C14orf39: variants seen among roughly 807,000 people sequenced by gnomAD.
The protein encoded by C14orf39 is protein SIX6OS1.
In C14orf39, 66 loss-of-function variants were observed where a neutral mutation model predicts 85.6. The observed-to-expected ratio is 0.77, with a 90% CI of 0.63 to 0.95. The LOEUF (loss-of-function observed/expected upper bound fraction) is 0.95, where lower values mean the gene tolerates loss of function less well. Ranked by LOEUF, C14orf39 falls within the 40% of genes least tolerant of loss-of-function variation. The pLI is 0.00. For missense variants in C14orf39, 735 were observed against 663.9 expected, an observed-to-expected ratio of 1.11 and a Z score of -1.18; for synonymous variants, 242 against 214.0, an observed-to-expected ratio of 1.13 and a Z score of -1.14.
chr14:60,497,618 G>T (rs1453013868), intron 2 of C14orf39, among the ~76,000 whole-genome samples: 4 of 152,214 alleles, frequency 2.6e-5, no homozygotes, highest in Non-Finnish European at 5.9e-5. Context: ...GCTCACACCT[G>T]TAATCCTAGT....
chr14:60,471,242 C>G (rs767026138), intron 7 of C14orf39, among the ~76,000 whole-genome samples, 175 bp downstream of exon 7: 1 of 151,954 alleles, frequency 6.6e-6, no homozygotes, highest in Non-Finnish European at 1.5e-5. Context: ...TGCTTCTGAT[C>G]ACATGAATAT....
At chr14:60,463,659 C>T (rs943926877) in intron 11 of C14orf39, among the ~76,000 whole-genome samples, 1 of 151,962 alleles carries the variant, frequency 6.6e-6, no homozygotes, top group Admixed American at 6.6e-5. Context: ...CATACAGATC[C>T]CCCTCTTTAT....
chr14:60,456,797 G>T, intron 15 of C14orf39, 120 bp downstream of exon 15: 1 of 803,844 alleles, frequency 1.2e-6, no homozygotes, highest in Non-Finnish European at 1.9e-6. Context: ...TTCTTTGCAT[G>T]TCTGAAATAC....
chr14:60,469,271 C>T (rs1289207645), intron 8 of C14orf39, among the ~76,000 whole-genome samples: 1 of 148,826 alleles, frequency 6.7e-6, no homozygotes, highest in Non-Finnish European at 1.5e-5. Flanking sequence ...CTAAACTATT[C>T]CCCAAAATAT....
intron 6 of C14orf39, 27 bp downstream of exon 6, chr14:60,471,524 TA>T: frequency 6.4e-7 from 1 of 1,571,884 alleles, no homozygotes; most frequent in Non-Finnish European, 8.6e-7. Context: ...ATATCATAAT[TA>T]AAACAATATA....
chr14:60,476,432 G>T (rs1025909358), intron 5 of C14orf39, among the ~76,000 whole-genome samples: 6 of 152,180 alleles, frequency 3.9e-5, no homozygotes, highest in Non-Finnish European at 8.8e-5. Flanking sequence ...GAGATTAGGA[G>T]AAACAAGTAA....
rs76053977 is a variant in C14orf39 at position 60,454,579 on chromosome 14, C to T, written c.1503+422G>A. Among the ~76,000 whole-genome samples the T allele has an allele frequency of 7.3e-3, 1,110 of 152,060 alleles. 7 individuals carry two copies. Among genetic ancestry groups the T allele is most frequent in the Non-Finnish European group, 0.013 (885 of 67,864 alleles). On this transcript the variant is annotated intron_variant, in intron 16 of 17. Transcript: ENST00000321731. ...AAGCACTTTATCATGATTCATATCACTGAACAGTAGAAACCAATATTAGGT... is the reference window on the plus strand; with the variant it reads ...AAGCACTTTATCATGATTCATATCATTGAACAGTAGAAACCAATATTAGGT...
chr14:60,513,488 C>G (rs2140191533), intron 1 of C14orf39, among the ~76,000 whole-genome samples: 1 of 152,314 alleles, frequency 6.6e-6, no homozygotes, highest in Admixed American at 6.5e-5. Context: ...TTTGCCTCAT[C>G]CTAGTCCTTA....
chr14:60,478,941 T>G lies in C14orf39; in HGVS notation c.234-552A>C, dbSNP rs868131646. Reference sequence around the variant, plus strand: ...AATATTCATCTTATACATTTTTTATTATGTAACTTGAAAGAATATTACCAA... The same window carrying G: ...AATATTCATCTTATACATTTTTTATGATGTAACTTGAAAGAATATTACCAA... On this transcript the variant is annotated intron_variant, in intron 4 of 17. Coordinates refer to ENST00000321731, the MANE Select transcript of C14orf39 (RefSeq NM_174978.3). Among the ~76,000 whole-genome samples the G allele has an allele frequency of 2.0e-5, 3 of 151,932 alleles. No individual in the cohort carries two copies. In the South Asian group the frequency reaches 6.2e-4, roughly 31 times the overall value.
chr14:60,457,005 T>C lies in C14orf39; in HGVS notation c.1270A>G (p.Ile424Val), dbSNP rs758248760. The C allele has an allele frequency of 1.9e-6, 3 of 1,611,404 alleles. No homozygotes were observed. In the South Asian group the frequency reaches 3.3e-5, roughly 18 times the overall value. ...RAENFPRTSE[I>V]PIFLGTPKAV... ...TTGGGAGTTCCTAAAAATATAGGAA[T>C]TTCAGACGTTCGTGGAAAATTCTCA... The change falls in exon 15 of 18, where the codon ATT (isoleucine) becomes GTT (valine). Residue 424 changes from isoleucine (I) to valine (V), a missense_variant. Coordinates refer to ENST00000321731, the MANE Select transcript of C14orf39 (RefSeq NM_174978.3).
At chr14:60,492,963 T>C (rs1306728388) in intron 2 of C14orf39, among the ~76,000 whole-genome samples, 1 of 152,132 alleles carries the variant, frequency 6.6e-6, no homozygotes, top group East Asian at 1.9e-4. Context: ...ATAGAAAACA[T>C]GCCTTTCCAT....
At chr14:60,470,827 T>C (rs1450587760) in intron 7 of C14orf39, among the ~76,000 whole-genome samples, 2 of 151,896 alleles carry the variant, frequency 1.3e-5, no homozygotes, top group Non-Finnish European at 2.9e-5. Flanking sequence ...ATATGAAGGA[T>C]TGTGGAGGTT....
intron 16 of C14orf39, among the ~76,000 whole-genome samples, chr14:60,448,193 G>A (rs1045504924): frequency 5.3e-5 from 8 of 152,046 alleles, no homozygotes; most frequent in Non-Finnish European, 8.8e-5. Flanking sequence ...ATAGACAAAT[G>A]GAATCTAATT....
chr14:60,496,158 G>T, intron 2 of C14orf39: 1 of 476,940 alleles, frequency 2.1e-6, no homozygotes, highest in Non-Finnish European at 4.2e-6. Context: ...GTTCTATAGA[G>T]TATCACACTC....
At chr14:60,472,543 T>C (rs1266077527) in intron 5 of C14orf39, among the ~76,000 whole-genome samples, 1 of 152,068 alleles carries the variant, frequency 6.6e-6, no homozygotes, top group East Asian at 1.9e-4. Context: ...TAATGCTATC[T>C]CTCCCTCCTA....
chr14:60,473,123 T>C (rs1348410402), intron 5 of C14orf39, among the ~76,000 whole-genome samples: 1 of 152,208 alleles, frequency 6.6e-6, no homozygotes, highest in Non-Finnish European at 1.5e-5. Flanking sequence ...GGTATCTCAT[T>C]GTAATTTTGA....
intron 16 of C14orf39, among the ~76,000 whole-genome samples, chr14:60,451,754 T>C (rs1354903077): frequency 1.3e-5 from 2 of 151,530 alleles, no homozygotes; most frequent in African/African-American, 4.9e-5. Context: ...AGTTAATGGG[T>C]GCAGCACACC....
intron 1 of C14orf39, among the ~76,000 whole-genome samples, chr14:60,514,182 T>G (rs1389338462): frequency 6.6e-6 from 1 of 152,206 alleles, no homozygotes; most frequent in African/African-American, 2.4e-5. Flanking sequence ...TTAAAGGGTT[T>G]CTTTTTAAGA....
chr14:60,442,298 C>T (rs1342414707), intron 16 of C14orf39, among the ~76,000 whole-genome samples, 167 bp from the exon 17 acceptor site: 1 of 152,052 alleles, frequency 6.6e-6, no homozygotes, highest in Non-Finnish European at 1.5e-5. Context: ...ATCTTCAAAA[C>T]CTGTCATTTA....
Sources: allele counts gnomAD v4.1 joint callset (sites outside exome capture counted in the v4.1 genomes callset), GRCh38; gene constraint gnomAD v4.1.1; transcripts MANE v1.5; gene names NCBI Gene and HGNC (gene_info 2026-07-23, HGNC 2026-07-21).